LRP1B: variants seen among roughly 807,000 people sequenced by gnomAD.
LRP1B encodes the protein low-density lipoprotein receptor-related protein 1B.
Under a neutral mutation model 556.6 loss-of-function variants are expected in LRP1B, and 217 were observed. The ratio of observed to expected loss-of-function variants is 0.39; its 90% CI spans 0.35 to 0.44. LRP1B has a LOEUF of 0.44. LRP1B is among the 20% of genes least tolerant of loss of function. The pLI, the probability that LRP1B is intolerant of heterozygous loss-of-function variation, is 1.00. For synonymous variants in LRP1B, 2,047 were observed against 1,865.8 expected (o/e 1.10, Z -2.50); for missense variants, 5,053 against 5,620.8 (o/e 0.90, Z 3.23).
chr2:140,413,529 G>C (rs1237666910), intron 66 of LRP1B, among the ~76,000 whole-genome samples: 1 of 151,932 alleles, frequency 6.6e-6, no homozygotes, highest in Non-Finnish European at 1.5e-5. Flanking sequence ...AGAGCCAAAG[G>C]TATCAATTTT....
chr2:140,546,287 G>A (rs2105033811), intron 43 of LRP1B, among the ~76,000 whole-genome samples: 1 of 152,124 alleles, frequency 6.6e-6, no homozygotes, highest in South Asian at 2.1e-4. Flanking sequence ...TCTCTTGCCT[G>A]ATTGCTCTGC....
intron 27 of LRP1B, among the ~76,000 whole-genome samples, chr2:140,854,746 T>C (rs528621799): frequency 1.3e-5 from 2 of 152,300 alleles, no homozygotes; most frequent in Middle Eastern, 6.8e-3. Flanking sequence ...ATAGTAGAAT[T>C]GAACAGCTTC....
At chr2:141,055,087 C>T (rs2105455478) in intron 10 of LRP1B, 29 bp downstream of exon 10, 2 of 1,609,404 alleles carry the variant, frequency 1.2e-6, no homozygotes, top group South Asian at 2.2e-5. Context: ...GGGGTAGCTG[C>T]TGGCAAATGT....
In LRP1B at chr2:141,727,493, A is replaced by T. The variant is rs182220381; in HGVS notation, c.205+82786T>A. On this transcript the variant is annotated intron_variant, in intron 2 of 90. Coordinates refer to ENST00000389484, the MANE Select transcript of LRP1B (RefSeq NM_018557.3). ...CCAGTACAATTTAGAAGCCAAATTGATTGGGACAGCATGATTTAAGGAGTC... is the reference window on the plus strand; with the variant it reads ...CCAGTACAATTTAGAAGCCAAATTGTTTGGGACAGCATGATTTAAGGAGTC... Among the ~76,000 whole-genome samples the T allele has an allele frequency of 2.1e-3, 318 of 152,310 alleles. 1 individual carries two copies. Among genetic ancestry groups the T allele is most frequent in the African/African-American group, 7.4e-3 (308 of 41,576 alleles).
chr2:141,214,081 A>G (rs1245378500), intron 6 of LRP1B, among the ~76,000 whole-genome samples: 2 of 152,150 alleles, frequency 1.3e-5, no homozygotes, highest in African/African-American at 4.8e-5. Context: ...GGCTTAATCC[A>G]TCGTTGGTTT....
intron 66 of LRP1B, among the ~76,000 whole-genome samples, chr2:140,404,594 A>G (rs771914708): frequency 1.3e-5 from 2 of 152,208 alleles, no homozygotes; most frequent in African/African-American, 2.4e-5. Flanking sequence ...TTAATGTTGA[A>G]TGTAAATGGC....
chr2:141,986,701 A>C (rs976488847), intron 1 of LRP1B, among the ~76,000 whole-genome samples: 7 of 151,926 alleles, frequency 4.6e-5, no homozygotes, highest in African/African-American at 1.7e-4. Flanking sequence ...AGACCAATAC[A>C]ATCTCTTAAC....
At chr2:142,089,271 C>T (rs574001420) in intron 1 of LRP1B, among the ~76,000 whole-genome samples, 1 of 152,124 alleles carries the variant, frequency 6.6e-6, no homozygotes, top group East Asian at 1.9e-4. Flanking sequence ...TACTGTAGAA[C>T]ATACAGAAAA....
At chr2:141,995,650 C>T (rs1702469722) in intron 1 of LRP1B, among the ~76,000 whole-genome samples, 1 of 152,142 alleles carries the variant, frequency 6.6e-6, no homozygotes, top group African/African-American at 2.4e-5. Context: ...CAAATAAATG[C>T]TCCCATAGTT....
At chr2:141,325,843 T>A (rs1687410068) in intron 3 of LRP1B, among the ~76,000 whole-genome samples, 1 of 152,010 alleles carries the variant, frequency 6.6e-6, no homozygotes, top group African/African-American at 2.4e-5. Flanking sequence ...CAGCAAAGAT[T>A]GAACAGATAA....
chr2:140,447,187 GA>G (rs1686697514), intron 63 of LRP1B, among the ~76,000 whole-genome samples: 1 of 152,028 alleles, frequency 6.6e-6, no homozygotes, highest in African/African-American at 2.4e-5. Flanking sequence ...GTGAAGAAAA[GA>G]AAACTCTTGT....
At chr2:140,772,669 A>T (rs939541559) in intron 33 of LRP1B, among the ~76,000 whole-genome samples, 4 of 152,174 alleles carry the variant, frequency 2.6e-5, no homozygotes, top group Admixed American at 2.6e-4. Context: ...AAGCATGGGT[A>T]TATTAATGTA....
At chr2:141,731,869 A>C (rs1036926731) in intron 2 of LRP1B, among the ~76,000 whole-genome samples, 10 of 151,940 alleles carry the variant, frequency 6.6e-5, no homozygotes, top group African/African-American at 2.4e-4. Context: ...TTCTCACTGC[A>C]CTCTTCAATG....
chr2:142,046,759 AAATT>A (rs1704274665), intron 1 of LRP1B, among the ~76,000 whole-genome samples: 1 of 151,964 alleles, frequency 6.6e-6, no homozygotes, highest in Non-Finnish European at 1.5e-5. Context: ...TGTCCTAGCA[AAATT>A]CATATAAACG....
Position 141,031,166 on chromosome 2 carries a change from T to C in LRP1B, c.1790-11064A>G, listed in dbSNP as rs184609169. 3.7e-3 allele frequency among the ~76,000 whole-genome samples: 568 copies of C among 151,822 alleles called. 3 individuals carry two copies. The highest frequency in any genetic ancestry group is 6.7e-3 in the Non-Finnish European group (454 of 67,826). ...GATTTACATTAGCTTAAAATACAAT[T>C]TTAAGTGCTGAGACCATCAGACCAT... On this transcript the variant is annotated intron_variant, in intron 11 of 90. Transcript: ENST00000389484.
chr2:140,571,101 T>G lies in LRP1B; in HGVS notation c.7194+27530A>C, dbSNP rs143331935. Among the ~76,000 whole-genome samples the G allele has an allele frequency of 4.1e-4, 62 of 151,868 alleles. 1 individual carries two copies. The highest frequency in any genetic ancestry group is 1.5e-3 in the African/African-American group (62 of 41,522). On this transcript the variant is annotated intron_variant, in intron 43 of 90. Transcript: ENST00000389484. The stretch of plus-strand genomic sequence containing the variant: ...TTTTTCTTTAAGAACTGGAACAAGA[T>G]AAGAATGCACTCCCACTCTCATCAC...
At chr2:141,669,247 A>G (rs1690570325) in intron 2 of LRP1B, among the ~76,000 whole-genome samples, 1 of 152,158 alleles carries the variant, frequency 6.6e-6, no homozygotes. Flanking sequence ...ATTAGTAAAC[A>G]GATACACAGA....
At chr2:141,570,136 G>GAAAAC (rs58717096) in intron 2 of LRP1B, among the ~76,000 whole-genome samples, 16,883 of 149,588 alleles carry the variant, frequency 0.11, 1,707 homozygotes, top group African/African-American at 0.23. Flanking sequence ...GCTCCCATGG[G>GAAAAC]AAAACAAAAC....
At chr2:141,688,048 AATGTAGGTTAG>A (rs1157354439) in intron 2 of LRP1B, among the ~76,000 whole-genome samples, 13 of 151,518 alleles carry the variant, frequency 8.6e-5, no homozygotes, top group Non-Finnish European at 1.6e-4. Context: ...CGTACATGTT[AATGTAGGTTAG>A]GCCATCCAAA....
Sources: allele counts gnomAD v4.1 joint callset (sites outside exome capture counted in the v4.1 genomes callset), GRCh38; gene constraint gnomAD v4.1.1; transcripts MANE v1.5; gene names NCBI Gene and HGNC (gene_info 2026-07-23, HGNC 2026-07-21).